MLLT3: variants seen among roughly 807,000 people sequenced by gnomAD.
MLLT3 encodes MLLT3 super elongation complex subunit, also known as protein AF-9.
A neutral mutation model predicts 53.2 loss-of-function variants in MLLT3; 4 were observed. That is an observed-to-expected ratio of 0.08 (90% CI 0.04 to 0.17). The LOEUF is 0.17. Ranked by LOEUF, MLLT3 falls within the 10% of genes least tolerant of loss-of-function variation. The probability of loss-of-function intolerance (pLI) is 1.00; values close to 1 mark genes in which losing one functional copy is unlikely to be tolerated. For missense variants in MLLT3, 569 were observed against 684.0 expected (o/e 0.83, Z 1.87); for synonymous variants, 283 against 230.6 (o/e 1.23, Z -2.06).
intron 2 of MLLT3, among the ~76,000 whole-genome samples, chr9:20,613,061 T>TC (rs1221416708): frequency 8.9e-4 from 136 of 152,248 alleles, no homozygotes; most frequent in African/African-American, 3.2e-3. Flanking sequence ...TACAATATAT[T>TC]CCCATGATGA....
intron 2 of MLLT3, among the ~76,000 whole-genome samples, chr9:20,577,291 A>G (rs557530735): frequency 6.6e-6 from 1 of 152,204 alleles, no homozygotes. Flanking sequence ...ATCATGAAGT[A>G]GGCTAGACAC....
intron 5 of MLLT3, among the ~76,000 whole-genome samples, chr9:20,398,312 C>T (rs1822372107): frequency 1.3e-5 from 2 of 152,044 alleles, no homozygotes; most frequent in South Asian, 2.1e-4. Context: ...CGGCTGGCTT[C>T]AAGCAGTCCT....
At chr9:20,496,854 T>C (rs1327576268) in intron 2 of MLLT3, among the ~76,000 whole-genome samples, 1 of 152,164 alleles carries the variant, frequency 6.6e-6, no homozygotes, top group Non-Finnish European at 1.5e-5. Context: ...CCAACATACC[T>C]ATACAGATGA....
rs1586956351 is a variant in MLLT3 at position 20,448,089 on chromosome 9, A to T, written c.420+34T>A. On this transcript the variant is annotated intron_variant, in intron 4 of 10. Transcript: ENST00000380338. This position sits in a 1 kb window ranked among gnomAD's most constrained non-coding sequence, Gnocchi z 4.0. ...TTTTTTTTGTTGTTGTTGTTTTTTA[A>T]TAGGAATGCTTTTCACAAGAGAGTG... The T allele has an allele frequency of 6.3e-7, 1 of 1,574,924 alleles. No homozygotes were observed. Among genetic ancestry groups the T allele is most frequent in the Non-Finnish European group, 8.6e-7 (1 of 1,164,954 alleles).
intron 2 of MLLT3, among the ~76,000 whole-genome samples, chr9:20,549,424 T>A (rs748948534): frequency 1.3e-5 from 2 of 152,122 alleles, no homozygotes; most frequent in Non-Finnish European, 2.9e-5. Flanking sequence ...ACTAATAATA[T>A]TAGTAGTAAT....
rs138220042 is a variant in MLLT3, at chr9:20,616,555, T to G, written c.193+4099A>C. On this transcript the variant is annotated intron_variant, in intron 2 of 10. Transcript: ENST00000380338. ...CCACAAGTAGCTACTAAACTACTAG[T>G]AAGAGTTTGATGCCCGCTAATGCAA... is the stretch of plus-strand genomic sequence containing the variant. Among the ~76,000 whole-genome samples the G allele has an allele frequency of 2.0e-5, 3 of 152,240 alleles. No individual in the cohort carries two copies. In the East Asian group the frequency reaches 5.8e-4, roughly 29 times the overall value.
intron 2 of MLLT3, among the ~76,000 whole-genome samples, chr9:20,574,358 G>T (rs1294343645): frequency 6.6e-6 from 1 of 152,128 alleles, no homozygotes; most frequent in Non-Finnish European, 1.5e-5. Context: ...AAGAACAAAA[G>T]TTCTGTGAAA....
At chr9:20,479,904 C>A (rs1331349688) in intron 2 of MLLT3, among the ~76,000 whole-genome samples, 2 of 152,112 alleles carry the variant, frequency 1.3e-5, no homozygotes, top group Non-Finnish European at 2.9e-5. Flanking sequence ...TGTGATACAA[C>A]AGCTGAGTTA....
intron 8 of MLLT3, 138 bp from the exon 9 acceptor site, chr9:20,355,017 T>C: frequency 2.0e-6 from 1 of 505,500 alleles, no homozygotes; most frequent in Non-Finnish European, 3.5e-6. Context: ...TCTATACATT[T>C]TCCTTCTTCT....
intron 2 of MLLT3, among the ~76,000 whole-genome samples, chr9:20,599,909 A>G (rs76251669): frequency 0.016 from 2,367 of 152,224 alleles, 63 homozygotes; most frequent in African/African-American, 0.054. Context: ...TTCAGTAACT[A>G]TAAATTGCTT....
intron 2 of MLLT3, among the ~76,000 whole-genome samples, chr9:20,555,149 T>A (rs371410390): frequency 1.3e-5 from 2 of 152,174 alleles, no homozygotes; most frequent in East Asian, 3.8e-4. Context: ...CAGACGAGTC[T>A]TCAGATAGCA....
chr9:20,606,873 T>C (rs1205686977), intron 2 of MLLT3, among the ~76,000 whole-genome samples: 1 of 152,130 alleles, frequency 6.6e-6, no homozygotes, highest in East Asian at 1.9e-4. Flanking sequence ...ATTTCAAGAT[T>C]ATTCTTTTGG....
chr9:20,404,377 C>T (rs1822529724), intron 5 of MLLT3, among the ~76,000 whole-genome samples: 1 of 152,164 alleles, frequency 6.6e-6, no homozygotes, highest in Non-Finnish European at 1.5e-5. Flanking sequence ...AAGCTGTCTT[C>T]ATCTATGACA....
At chr9:20,502,248 T>C (rs966944178) in intron 2 of MLLT3, 2 of 154,222 alleles carry the variant, frequency 1.3e-5, no homozygotes, top group African/African-American at 4.8e-5. Flanking sequence ...TGAACCTGAC[T>C]TGAAGTGTGG....
chr9:20,426,398 C>T (rs4977425), intron 4 of MLLT3, among the ~76,000 whole-genome samples: 23,454 of 151,958 alleles, frequency 0.15, 3,097 homozygotes, highest in East Asian at 0.64. Flanking sequence ...GATAAATAAT[C>T]GTTAAATAAC....
At chr9:20,466,306 T>G (rs747998624) in intron 2 of MLLT3, among the ~76,000 whole-genome samples, 32 of 152,234 alleles carry the variant, frequency 2.1e-4, no homozygotes, top group Non-Finnish European at 3.8e-4. Flanking sequence ...TTGAGCCATT[T>G]TGGATTTCCG....
intron 2 of MLLT3, among the ~76,000 whole-genome samples, chr9:20,570,702 T>C (rs1005483191): frequency 5.9e-5 from 9 of 151,986 alleles, no homozygotes; most frequent in African/African-American, 2.2e-4. Flanking sequence ...GTTAAACGAT[T>C]AACTTTCAAA....
chr9:20,371,507 A>C (rs76915960), intron 5 of MLLT3, among the ~76,000 whole-genome samples: 8 of 152,212 alleles, frequency 5.3e-5, no homozygotes, highest in Admixed American at 4.6e-4. Flanking sequence ...TAGGGCCCTT[A>C]AGAATTATGC....
Position 20,353,554 on chromosome 9 carries a change from T to C in MLLT3, c.1546A>G (p.Thr516Ala). Residue 516 changes from threonine to alanine, a missense_variant, in exon 10 of 11, where the codon ACA becomes GCA. Thr to Ala is a moderately conservative substitution (Grantham distance 58). This residue lies in a region of MLLT3 where 45 missense variants were observed against 85.5 expected (regional missense o/e 0.53). Transcript: ENST00000380338. ...TGCAGAATGTGTCTTTCTCTCAATG[T>C]CATTAACCTTCTGTGAAGCTCTACC... ...ELVELHRRLM[T>A]LRERHILQQI... 1 of 1,614,140 alleles carries C rather than the reference T, an allele frequency of 6.2e-7. No individual in the cohort carries two copies. The highest frequency in any genetic ancestry group is 1.1e-5 in the South Asian group (1 of 91,086).
Sources: gnomAD v4.1 joint callset for allele counts (sites outside exome capture counted in the v4.1 genomes callset) on GRCh38, gnomAD v4.1.1 for gene constraint, gnomAD v4.1.1 regional missense constraint, Gnocchi (gnomAD v3.1) non-coding constraint, MANE v1.5 for transcripts, NCBI Gene and HGNC (gene_info 2026-07-23, HGNC 2026-07-21) for gene names.